PIK3C2G: variants seen among roughly 807,000 people sequenced by gnomAD.
The protein encoded by PIK3C2G is phosphatidylinositol 3-kinase C2 domain-containing subunit gamma.
Under a neutral mutation model 181.1 loss-of-function variants are expected in PIK3C2G, and 168 were observed. The ratio of observed to expected loss-of-function variants is 0.93; its 90% confidence interval spans 0.82 to 1.05. The LOEUF (loss-of-function observed/expected upper bound fraction) is 1.05, where lower values mean the gene tolerates loss of function less well. Ranked by LOEUF, PIK3C2G falls within the 50% of genes least tolerant of loss-of-function variation. PIK3C2G has a pLI of 0.00. For missense variants in PIK3C2G, 1,869 were observed against 1,732.8 expected (o/e 1.08, Z -1.40); for synonymous variants, 573 against 592.2 (o/e 0.97, Z 0.47).
intron 1 of PIK3C2G, among the ~76,000 whole-genome samples, chr12:18,262,340 T>G (rs577398799): frequency 6.6e-6 from 1 of 152,106 alleles, no homozygotes; most frequent in Non-Finnish European, 1.5e-5. Flanking sequence ...GATCTCCTTT[T>G]TAAATGCATT....
At position 18,488,520 on chromosome 12, in the gene PIK3C2G, T is replaced by C; in HGVS notation, c.2576T>C (p.Phe859Ser). ...CAGAAGCTACTAGCTGCTCTCCAATTCTGTGCAGGTAAAGCCTTGAATGAT... is the reference window on the plus strand; with the variant it reads ...CAGAAGCTACTAGCTGCTCTCCAATCCTGTGCAGGTAAAGCCTTGAATGAT... ...WYQKLLAALQ[F>S]CAGKALNDEF... is the part of the protein sequence containing the mutation. The change falls in exon 19 of 33, where the codon TTC (phenylalanine) becomes TCC (serine). Residue 859 changes from phenylalanine (F) to serine (S), a missense_variant. Coordinates refer to ENST00000538779, the MANE Select transcript of PIK3C2G (RefSeq NM_001288772.2). 2 of 1,589,106 alleles carry C rather than the reference T, an allele frequency of 1.3e-6. No individual in the cohort carries two copies. Among genetic ancestry groups the C allele is most frequent in the Middle Eastern group, 1.7e-4 (1 of 5,972 alleles).
intron 16 of PIK3C2G, among the ~76,000 whole-genome samples, chr12:18,401,036 G>A (rs1174322901): frequency 6.6e-6 from 1 of 151,986 alleles, no homozygotes; most frequent in Non-Finnish European, 1.5e-5. Flanking sequence ...TTATGGTAAT[G>A]TGTTTATATG....
At chr12:18,417,202 A>G (rs1357098064) in intron 16 of PIK3C2G, among the ~76,000 whole-genome samples, 1 of 152,206 alleles carries the variant, frequency 6.6e-6, no homozygotes, top group Non-Finnish European at 1.5e-5. Flanking sequence ...CTGCAATCTC[A>G]TGACAAATTT....
intron 31 of PIK3C2G, among the ~76,000 whole-genome samples, chr12:18,633,531 C>G (rs980137948): frequency 6.6e-6 from 1 of 152,146 alleles, no homozygotes; most frequent in Non-Finnish European, 1.5e-5. Context: ...GGGTCTGGGC[C>G]GTTAGTGATC....
At chr12:18,528,348 A>T (rs1179793979) in intron 24 of PIK3C2G, among the ~76,000 whole-genome samples, 2 of 152,142 alleles carry the variant, frequency 1.3e-5, no homozygotes, top group African/African-American at 4.8e-5. Flanking sequence ...GGAGTCTACA[A>T]CTTTTAGAAA....
intron 18 of PIK3C2G, among the ~76,000 whole-genome samples, chr12:18,458,960 A>T (rs1199036959): frequency 6.6e-6 from 1 of 152,018 alleles, no homozygotes; most frequent in East Asian, 1.9e-4. Flanking sequence ...GTATTTTCCC[A>T]GAGCCTTCAG....
At chr12:18,252,721 T>C (rs934600092) in intron 1 of PIK3C2G, among the ~76,000 whole-genome samples, 5 of 152,174 alleles carry the variant, frequency 3.3e-5, no homozygotes, top group Non-Finnish European at 7.4e-5. Context: ...TATACATTTC[T>C]TTTCTCTATG....
chr12:18,649,361 T>C (rs1274843876), downstream of PIK3C2G, among the ~76,000 whole-genome samples: 1 of 152,098 alleles, frequency 6.6e-6, no homozygotes, highest in Non-Finnish European at 1.5e-5. Context: ...AGTCTCCCAA[T>C]TTGTACATTT....
At chr12:18,427,375 C>G (rs962858151) in intron 18 of PIK3C2G, among the ~76,000 whole-genome samples, 1 of 150,628 alleles carries the variant, frequency 6.6e-6, no homozygotes, top group African/African-American at 2.4e-5. Context: ...GGCCTGGTGG[C>G]GGGCGCCTGT....
chr12:18,346,620 T>C, intron 10 of PIK3C2G, 21 bp from the exon 11 acceptor site: 1 of 1,507,682 alleles, frequency 6.6e-7, no homozygotes, highest in Admixed American at 1.8e-5. Flanking sequence ...AGTGACTTGA[T>C]CTCTATCTCT....
At chr12:18,663,782 G>A in the PIK3C2G span, among the ~76,000 whole-genome samples, 1 of 152,024 alleles carries the variant, frequency 6.6e-6, no homozygotes, top group Admixed American at 6.6e-5. Flanking sequence ...TTGTGCATCT[G>A]AAAACACTAT....
intron 18 of PIK3C2G, among the ~76,000 whole-genome samples, chr12:18,453,511 AG>A (rs1047667166): frequency 5.3e-5 from 8 of 152,126 alleles, no homozygotes; most frequent in African/African-American, 1.9e-4. Flanking sequence ...TGTGATGAAA[AG>A]TTTTGGTGAC....
At chr12:18,274,799 A>G (rs901104511) in intron 1 of PIK3C2G, among the ~76,000 whole-genome samples, 1 of 152,024 alleles carries the variant, frequency 6.6e-6, no homozygotes, top group African/African-American at 2.4e-5. Flanking sequence ...AACTTAAAGT[A>G]TAATAATAAT....
intron 26 of PIK3C2G, among the ~76,000 whole-genome samples, chr12:18,552,931 G>A (rs1944809706): frequency 6.6e-6 from 1 of 152,046 alleles, no homozygotes; most frequent in East Asian, 1.9e-4. Flanking sequence ...AACTCTTCAG[G>A]AGACTATCAG....
chr12:18,664,492 T>C, the PIK3C2G span, among the ~76,000 whole-genome samples: 14 of 152,152 alleles, frequency 9.2e-5, no homozygotes, highest in Non-Finnish European at 1.8e-4. Context: ...TTAGAGGGCA[T>C]TATGCTAAGT....
intron 16 of PIK3C2G, among the ~76,000 whole-genome samples, chr12:18,404,779 T>C (rs532668319): frequency 6.6e-5 from 10 of 152,306 alleles, no homozygotes; most frequent in African/African-American, 2.4e-4. Flanking sequence ...GAACTTGTTA[T>C]GGCATACCAT....
chr12:18,643,707 C>G (rs2136821101), intron 32 of PIK3C2G, among the ~76,000 whole-genome samples: 1 of 151,988 alleles, frequency 6.6e-6, no homozygotes, highest in Middle Eastern at 3.4e-3. Context: ...TGTGCAACCT[C>G]AAGAGCACCT....
intron 29 of PIK3C2G, among the ~76,000 whole-genome samples, chr12:18,576,913 T>C (rs1306591797): frequency 6.6e-6 from 1 of 152,176 alleles, no homozygotes; most frequent in Non-Finnish European, 1.5e-5. Flanking sequence ...GAATGGTGGA[T>C]GGATTATTAT....
intron 26 of PIK3C2G, among the ~76,000 whole-genome samples, chr12:18,558,135 A>G (rs1592576690): frequency 6.6e-6 from 1 of 152,204 alleles, no homozygotes; most frequent in East Asian, 1.9e-4. Context: ...TTAGGATAGT[A>G]TAATACTGAC....
Sources: gnomAD v4.1 joint callset for allele counts (sites outside exome capture counted in the v4.1 genomes callset) on GRCh38, gnomAD v4.1.1 for gene constraint, MANE v1.5 for transcripts, NCBI Gene and HGNC (gene_info 2026-07-23, HGNC 2026-07-21) for gene names.